The following TDRD1 variants were observed in gnomAD, a reference collection of about 807,000 sequenced individuals.
TDRD1 encodes tudor domain containing 1.
TDRD1 carries 37 observed loss-of-function variants against 140.6 expected under a neutral mutation model. The ratio of observed to expected loss-of-function variants is 0.26; its 90% confidence interval spans 0.20 to 0.35. The LOEUF (loss-of-function observed/expected upper bound fraction) is 0.35, where lower values mean the gene tolerates loss of function less well. Ranked by LOEUF, TDRD1 falls within the 10% of genes least tolerant of loss-of-function variation. TDRD1 has a pLI of 1.00. For synonymous variants in TDRD1, 506 were observed against 475.7 expected (o/e 1.06, Z -0.83); for missense variants, 1,243 against 1,393.0 (o/e 0.89, Z 1.71).
intron 11 of TDRD1, 110 bp downstream of exon 11, chr10:114,206,440 A>G (rs1415807526): frequency 1.4e-6 from 1 of 726,906 alleles, no homozygotes; most frequent in African/African-American, 1.8e-5. Flanking sequence ...AACGATAAAC[A>G]TCCTATGAGC....
intron 13 of TDRD1, 36 bp downstream of exon 13, chr10:114,211,003 T>A: frequency 6.7e-7 from 1 of 1,481,630 alleles, no homozygotes; most frequent in Non-Finnish European, 9.2e-7. Flanking sequence ...TAAAATTTAT[T>A]TTTATTTATT....
chr10:114,228,634 C>T, intron 25 of TDRD1: 1 of 985,380 alleles, frequency 1.0e-6, no homozygotes, highest in Non-Finnish European at 1.2e-6. Flanking sequence ...AAACATACTC[C>T]CTGCTTTTGG....
intron 2 of TDRD1, 73 bp downstream of exon 2, chr10:114,188,229 C>A (rs2033687811): frequency 2.3e-6 from 3 of 1,330,066 alleles, no homozygotes; most frequent in Non-Finnish European, 3.1e-6. Context: ...TATATATAAC[C>A]ACACACCAGT....
chr10:114,216,255 A>C (rs2035807543), intron 16 of TDRD1, among the ~76,000 whole-genome samples: 1 of 152,180 alleles, frequency 6.6e-6, no homozygotes, highest in Admixed American at 6.5e-5. Flanking sequence ...TCTGTTCAGG[A>C]GCCACTCTGT....
At chr10:114,179,201 T>C (rs989889581), upstream of TDRD1, 11 of 152,316 alleles carry the variant, frequency 7.2e-5, no homozygotes, top group Admixed American at 2.6e-4. Context: ...CACAAGCTGC[T>C]TCCGGGGAAG....
chr10:114,225,977 A>G (rs772844673), intron 21 of TDRD1, 72 bp from the exon 22 acceptor site: 14 of 1,295,908 alleles, frequency 1.1e-5, no homozygotes, highest in Middle Eastern at 3.7e-4. Context: ...AAATATAACT[A>G]TGAATAGCCA....
chr10:114,191,098 C>A, intron 3 of TDRD1, 79 bp downstream of exon 3: 2 of 1,419,452 alleles, frequency 1.4e-6, no homozygotes, highest in South Asian at 2.6e-5. Flanking sequence ...AAGAAGTGTT[C>A]AATTTGTAGG....
At chr10:114,211,056 G>A in intron 13 of TDRD1, 89 bp downstream of exon 13, 2 of 991,540 alleles carry the variant, frequency 2.0e-6, no homozygotes, top group Non-Finnish European at 2.9e-6. Context: ...CAGAGTCTTT[G>A]GTTTGCACTG....
At chr10:114,210,655 G>A (rs2035423766) in exon 12 of TDRD1, 2 of 1,612,764 alleles carry the variant, frequency 1.2e-6, no homozygotes, top group Non-Finnish European at 1.7e-6. Context: ...AATCCCAAAA[G>A]TGTTAACTTT....
intron 20 of TDRD1, 34 bp downstream of exon 20, chr10:114,221,510 C>CATA: frequency 6.3e-7 from 1 of 1,599,684 alleles, no homozygotes; most frequent in Non-Finnish European, 8.5e-7. Flanking sequence ...TATTTATGCT[C>CATA]ATCTTTTAAA....
upstream of TDRD1, among the ~76,000 whole-genome samples, chr10:114,176,982 T>C (rs116927825): frequency 3.5e-3 from 525 of 152,090 alleles, 2 homozygotes; most frequent in Non-Finnish European, 5.7e-3. The surrounding 1 kb of genome is among the most constrained non-coding windows in gnomAD (Gnocchi z 4.2). Context: ...CACCTGATGA[T>C]AGTATGTGAA....
chr10:114,223,996 C>T (rs760722333), intron 21 of TDRD1, among the ~76,000 whole-genome samples: 1 of 152,198 alleles, frequency 6.6e-6, no homozygotes, highest in Admixed American at 6.5e-5. Flanking sequence ...TTCTGCCCCC[C>T]ACACTGTGTT....
At chr10:114,197,322 T>G (rs1172224584) in intron 3 of TDRD1, among the ~76,000 whole-genome samples, 1 of 152,228 alleles carries the variant, frequency 6.6e-6, no homozygotes, top group African/African-American at 2.4e-5. Context: ...GTTTACTGAT[T>G]GTTTCCTGTT....
At chr10:114,214,249 G>A (rs370024139) in intron 16 of TDRD1, 135 bp downstream of exon 16, 3 of 725,178 alleles carry the variant, frequency 4.1e-6, no homozygotes, top group Admixed American at 2.7e-5. Context: ...TTCCAAGAAA[G>A]ATTTGGTTAT....
intron 2 of TDRD1, among the ~76,000 whole-genome samples, chr10:114,189,683 C>T (rs1297504711): frequency 6.6e-6 from 1 of 152,200 alleles, no homozygotes; most frequent in Non-Finnish European, 1.5e-5. Flanking sequence ...CCTCAAACCC[C>T]TGGGCACAAA....
At chr10:114,189,338 A>G (rs1268019165) in intron 2 of TDRD1, among the ~76,000 whole-genome samples, 1 of 151,978 alleles carries the variant, frequency 6.6e-6, no homozygotes, top group African/African-American at 2.4e-5. Flanking sequence ...CTGAAGAGAA[A>G]CTCTCTTCTT....
exon 26 of TDRD1, chr10:114,231,752 AC>A: frequency 2.1e-6 from 1 of 486,204 alleles, no homozygotes; most frequent in South Asian, 3.8e-5. Context: ...GGCAAGGAAT[AC>A]ATAGGGACTT....
At chr10:114,213,236 C>T (rs528106795) in intron 14 of TDRD1, 110 bp from the exon 15 acceptor site, 14 of 960,310 alleles carry the variant, frequency 1.5e-5, no homozygotes, top group Admixed American at 5.2e-5. Context: ...GACACGTTTC[C>T]GTTCCAGTGT....
chr10:114,213,066 T>C (rs2035589029), intron 14 of TDRD1, among the ~76,000 whole-genome samples: 1 of 152,218 alleles, frequency 6.6e-6, no homozygotes, highest in East Asian at 1.9e-4. Flanking sequence ...TACAAGCTTT[T>C]GCTTTTTCTT....
Sources: gnomAD v4.1 joint callset for allele counts (sites outside exome capture counted in the v4.1 genomes callset) on GRCh38, gnomAD v4.1.1 for gene constraint, Gnocchi (gnomAD v3.1) non-coding constraint, MANE v1.5 for transcripts, NCBI Gene and HGNC (gene_info 2026-07-23, HGNC 2026-07-21) for gene names.